The following GPC5 variants were observed in gnomAD, a reference collection of about 807,000 sequenced individuals.
GPC5 encodes the protein glypican-5.
In GPC5, 47 loss-of-function variants were observed where a neutral mutation model predicts 53.9. The observed-to-expected ratio is 0.87, with a 90% confidence interval of 0.69 to 1.11. The LOEUF (loss-of-function observed/expected upper bound fraction) is 1.11, where lower values mean the gene tolerates loss of function less well. Ranked by LOEUF, GPC5 falls within the 50% of genes most tolerant of loss-of-function variation. The pLI is 0.00. For missense variants in GPC5, 748 were observed against 713.1 expected (o/e 1.05, Z -0.56); for synonymous variants, 286 against 263.3 (o/e 1.09, Z -0.84).
intron 6 of GPC5, among the ~76,000 whole-genome samples, chr13:92,033,837 A>T (rs2040872291): frequency 6.6e-6 from 1 of 152,158 alleles, no homozygotes; most frequent in Non-Finnish European, 1.5e-5. Context: ...ACTGGTAGAA[A>T]TCCCAGTAAT....
intron 6 of GPC5, among the ~76,000 whole-genome samples, chr13:92,101,736 T>C (rs1415853848): frequency 6.6e-6 from 1 of 152,202 alleles, no homozygotes; most frequent in African/African-American, 2.4e-5. Flanking sequence ...TAAAGTGACC[T>C]GTTCCAAAAA....
At chr13:92,413,948 T>C (rs1476570728) in intron 7 of GPC5, among the ~76,000 whole-genome samples, 4 of 152,248 alleles carry the variant, frequency 2.6e-5, no homozygotes, top group African/African-American at 9.6e-5. Flanking sequence ...TTTCCATTTT[T>C]GATTTTTCAT....
intron 6 of GPC5, among the ~76,000 whole-genome samples, chr13:91,991,361 CT>C (rs1354701341): frequency 6.6e-6 from 1 of 152,112 alleles, no homozygotes; most frequent in Non-Finnish European, 1.5e-5. Context: ...TTTTATTTAT[CT>C]TTGTATATTT....
chr13:91,857,031 T>G (rs2038974668), intron 5 of GPC5, among the ~76,000 whole-genome samples: 1 of 151,390 alleles, frequency 6.6e-6, no homozygotes, highest in South Asian at 2.1e-4. Flanking sequence ...TTTGAATTGC[T>G]TAGTGCCTTT....
At position 91,719,355 on chromosome 13, in the gene GPC5, A is replaced by G. The variant is rs535312336; in HGVS notation, c.1021-9177A>G. On this transcript the variant is annotated intron_variant, in intron 3 of 7. Coordinates refer to ENST00000377067, the MANE Select transcript of GPC5 (RefSeq NM_004466.6). ...TGCTCTGACTGCTAGGATCAAGTCTATGAAGCCTTACTTTCCTGTTTATAC... is the reference window on the plus strand; with the variant it reads ...TGCTCTGACTGCTAGGATCAAGTCTGTGAAGCCTTACTTTCCTGTTTATAC... Among the ~76,000 whole-genome samples the G allele has an allele frequency of 3.0e-4, 46 of 152,348 alleles. 1 individual carries two copies. Among genetic ancestry groups the G allele is most frequent in the Middle Eastern group, 3.4e-3 (1 of 294 alleles).
At chr13:92,706,567 C>T (rs1594438687) in intron 7 of GPC5, among the ~76,000 whole-genome samples, 1 of 152,178 alleles carries the variant, frequency 6.6e-6, no homozygotes, top group South Asian at 2.1e-4. Context: ...CGTCTTACTG[C>T]CCTTAGCCAT....
Position 92,321,564 on chromosome 13 carries a change from C to T in GPC5, c.1561+176575C>T, listed in dbSNP as rs888012475. ...GTTGCAGGGAGCTGAGATCACACCA[C>T]TGCACTTCAGCCTGGGACAGAGCGA... On this transcript the variant is annotated intron_variant, in intron 7 of 7. Transcript: ENST00000377067. Among the ~76,000 whole-genome samples, 4 of 152,144 alleles carry T rather than the reference C, an allele frequency of 2.6e-5. No individual in the cohort carries two copies. The South Asian group carries it at 8.3e-4, about 31-fold the overall frequency.
At chr13:92,115,165 G>A (rs561519720) in intron 6 of GPC5, among the ~76,000 whole-genome samples, 33 of 152,296 alleles carry the variant, frequency 2.2e-4, no homozygotes, top group African/African-American at 7.9e-4. Context: ...GTACACGTCT[G>A]TAAGTTTGGA....
chr13:92,045,620 A>G (rs2040976047), intron 6 of GPC5, among the ~76,000 whole-genome samples: 1 of 152,200 alleles, frequency 6.6e-6, no homozygotes, highest in Admixed American at 6.5e-5. Flanking sequence ...TACATAGACC[A>G]CTTTCATGGT....
chr13:92,082,859 AG>A (rs1270979982), intron 6 of GPC5, among the ~76,000 whole-genome samples: 1 of 152,180 alleles, frequency 6.6e-6, no homozygotes, highest in African/African-American at 2.4e-5. Flanking sequence ...GCTAGCTAAA[AG>A]TAGATATTTA....
intron 7 of GPC5, among the ~76,000 whole-genome samples, chr13:92,435,426 A>G (rs1392953135): frequency 1.3e-5 from 2 of 152,218 alleles, no homozygotes; most frequent in East Asian, 3.8e-4. Context: ...TGAAAGGCCT[A>G]AAAGTATTGA....
chr13:91,414,334 T>G (rs1878026816), intron 1 of GPC5, among the ~76,000 whole-genome samples: 1 of 152,226 alleles, frequency 6.6e-6, no homozygotes, highest in Admixed American at 6.5e-5. Flanking sequence ...CTGCTTCTCC[T>G]TTGCCTTCCG....
chr13:91,877,474 G>A (rs767114661), intron 5 of GPC5, among the ~76,000 whole-genome samples: 2 of 152,202 alleles, frequency 1.3e-5, no homozygotes, highest in Non-Finnish European at 1.5e-5. Flanking sequence ...TCATTCTGGA[G>A]CTTTAAAATT....
chr13:92,128,292 G>C (rs2041716270), intron 6 of GPC5, among the ~76,000 whole-genome samples: 1 of 152,116 alleles, frequency 6.6e-6, no homozygotes, highest in South Asian at 2.1e-4. Flanking sequence ...GTTCATAGTA[G>C]TTTTCCTGAC....
intron 7 of GPC5, among the ~76,000 whole-genome samples, chr13:92,692,714 CG>C (rs202102211): frequency 0.065 from 9,192 of 142,178 alleles, 388 homozygotes; most frequent in Admixed American, 0.11. Context: ...AAACAGTGTA[CG>C]TGTGTTCCCT....
At chr13:91,951,105 G>A (rs1327110022) in intron 6 of GPC5, among the ~76,000 whole-genome samples, 1 of 152,058 alleles carries the variant, frequency 6.6e-6, no homozygotes, top group Non-Finnish European at 1.5e-5. Context: ...TGAATTATCT[G>A]TTTTGCCCAT....
intron 6 of GPC5, among the ~76,000 whole-genome samples, chr13:92,032,841 C>T (rs1262292327): frequency 2.6e-5 from 4 of 152,172 alleles, no homozygotes; most frequent in African/African-American, 9.7e-5. Flanking sequence ...ATTCTCTGCC[C>T]ATCTGTCACA....
intron 2 of GPC5, among the ~76,000 whole-genome samples, chr13:91,570,592 A>C (rs888654519): frequency 5.9e-5 from 9 of 152,180 alleles, no homozygotes; most frequent in African/African-American, 2.2e-4. Context: ...TATATTTTCC[A>C]CTAGATATTT....
chr13:92,424,586 AT>A (rs1335355983), intron 7 of GPC5, among the ~76,000 whole-genome samples: 1 of 152,018 alleles, frequency 6.6e-6, no homozygotes, highest in African/African-American at 2.4e-5. Flanking sequence ...GCACACAGAT[AT>A]ACTTCATTAT....
Sources: allele counts gnomAD v4.1 joint callset (sites outside exome capture counted in the v4.1 genomes callset), GRCh38; gene constraint gnomAD v4.1.1; transcripts MANE v1.5; gene names NCBI Gene and HGNC (gene_info 2026-07-23, HGNC 2026-07-21).